Variants in ZFHX3 observed in about 807,000 individuals in gnomAD.
The protein encoded by ZFHX3 is zinc finger homeobox protein 3.
Under a neutral mutation model 279.1 loss-of-function variants are expected in ZFHX3, and 42 were observed. The observed-to-expected ratio is 0.15, with a 90% confidence interval of 0.12 to 0.19. ZFHX3 has a LOEUF of 0.19. Among genes scored for constraint, ZFHX3 ranks in the 10% least tolerant of loss-of-function variants. The pLI is 1.00. For missense variants in ZFHX3, 4,981 were observed against 4,754.0 expected (o/e 1.05, Z -1.40); for synonymous variants, 2,293 against 1,957.8 (o/e 1.17, Z -4.52).
intron 3 of ZFHX3, among the ~76,000 whole-genome samples, chr16:73,443,939 T>A (rs929963637): frequency 9.9e-5 from 15 of 152,040 alleles, no homozygotes; most frequent in African/African-American, 3.6e-4. Flanking sequence ...ATTTTCTTTA[T>A]AATAAAATAT....
intron 7 of ZFHX3, among the ~76,000 whole-genome samples, chr16:73,106,649 A>G (rs189192239): frequency 1.3e-5 from 2 of 152,310 alleles, no homozygotes; most frequent in East Asian, 3.9e-4. Context: ...AATTCTGTGC[A>G]AGTTGGAAAA....
chr16:73,803,819 G>A (rs977855324), intron 1 of ZFHX3, among the ~76,000 whole-genome samples: 24 of 152,148 alleles, frequency 1.6e-4, no homozygotes, highest in East Asian at 1.2e-3. Flanking sequence ...ATTTTTCTGC[G>A]TGTGTGTCTG....
intron 1 of ZFHX3, among the ~76,000 whole-genome samples, chr16:73,706,335 G>T (rs369782491): frequency 6.6e-6 from 1 of 151,300 alleles, no homozygotes; most frequent in Non-Finnish European, 1.5e-5. Context: ...CGTGGCAGGC[G>T]CCTGTAATCC....
At position 72,796,164 on chromosome 16, in the gene ZFHX3, T is replaced by A. The variant is rs755274458; in HGVS notation, c.6518A>T (p.Glu2173Val). 6.2e-7 allele frequency: 1 copy of A among 1,614,140 alleles called. No individual in the cohort carries two copies. Among genetic ancestry groups the A allele is most frequent in the South Asian group, 1.1e-5 (1 of 91,076 alleles). ...YFDINNSPSE[E>V]QIKEMADKSG... ...CTTGTCTGCCATCTCTTTTATTTGC[T>A]CTTCACTGGGGGAGTTGTTAATGTC... is the stretch of plus-strand genomic sequence containing the variant. The change falls in exon 9 of 10, where the codon GAG becomes GTG. Residue 2173 changes from glutamate to valine, a missense_variant. Coordinates refer to ENST00000268489, the MANE Select transcript of ZFHX3 (RefSeq NM_006885.4).
chr16:73,158,392 C>G (rs960399426), intron 5 of ZFHX3, among the ~76,000 whole-genome samples: 3 of 152,032 alleles, frequency 2.0e-5, no homozygotes, highest in Non-Finnish European at 4.4e-5. Flanking sequence ...ACATGAAAGT[C>G]CTTTTCTTTT....
At chr16:73,223,433 G>T (rs1232795544) in intron 5 of ZFHX3, among the ~76,000 whole-genome samples, 3 of 152,056 alleles carry the variant, frequency 2.0e-5, no homozygotes, top group Non-Finnish European at 4.4e-5. Flanking sequence ...CCTCACCAAA[G>T]AAGATATATA....
chr16:73,300,109 A>T (rs891025428), intron 4 of ZFHX3, among the ~76,000 whole-genome samples: 5 of 152,194 alleles, frequency 3.3e-5, no homozygotes, highest in African/African-American at 7.2e-5. Flanking sequence ...AAAGTAAACT[A>T]ATCAGCTGGG....
chr16:72,910,445 A>C (rs1003337671), intron 3 of ZFHX3, among the ~76,000 whole-genome samples: 1 of 152,252 alleles, frequency 6.6e-6, no homozygotes, highest in African/African-American at 2.4e-5. Flanking sequence ...TGATCAGGAA[A>C]TCTGGATTGA....
Position 73,600,542 on chromosome 16 carries a change from C to T in ZFHX3, c.-1547+79638G>A, listed in dbSNP as rs1317031131. Among the ~76,000 whole-genome samples, 3 of 151,884 alleles carry T rather than the reference C, an allele frequency of 2.0e-5. No homozygotes were observed. The East Asian group carries it at 5.8e-4, about 29-fold the overall frequency. On this transcript the variant is annotated intron_variant, in intron 2 of 17. Transcript: ENST00000641206. ...AAGCCATTCTCCTGCCTCAGCCTCCCAAGTAGCTGGGACTACAGGCGCCCG... is the reference window on the plus strand; with the variant it reads ...AAGCCATTCTCCTGCCTCAGCCTCCTAAGTAGCTGGGACTACAGGCGCCCG...
At chr16:72,962,997 A>T (rs1333361069) in intron 1 of ZFHX3, among the ~76,000 whole-genome samples, 1 of 152,140 alleles carries the variant, frequency 6.6e-6, no homozygotes, top group African/African-American at 2.4e-5. Context: ...CGCTCTGTTT[A>T]TCAGCCAGTC....
chr16:73,054,979 G>T (rs952050625), intron 1 of ZFHX3, among the ~76,000 whole-genome samples: 1 of 150,822 alleles, frequency 6.6e-6, no homozygotes, highest in African/African-American at 2.4e-5. Flanking sequence ...TTTAATAAAA[G>T]AACCTATACA....
intron 2 of ZFHX3, among the ~76,000 whole-genome samples, chr16:73,541,792 T>C (rs1317891569): frequency 0.014 from 1,113 of 78,812 alleles, 36 homozygotes; most frequent in African/African-American, 0.065. Flanking sequence ...TTCTCTTTTT[T>C]TTTTTTTTTT....
chr16:73,309,311 C>T (rs754351117), intron 4 of ZFHX3, among the ~76,000 whole-genome samples: 2 of 152,118 alleles, frequency 1.3e-5, no homozygotes, highest in Non-Finnish European at 2.9e-5. Flanking sequence ...CTCCCACTTA[C>T]AAGTGAGAAC....
chr16:73,134,414 G>C (rs1966751217), intron 6 of ZFHX3: 1 of 139,066 alleles, frequency 7.2e-6, no homozygotes, highest in Non-Finnish European at 1.5e-5. Flanking sequence ...CGTTATCACG[G>C]CTCAGTCCTG....
Position 72,796,764 on chromosome 16 carries a change from T to C in ZFHX3, c.5918A>G (p.Lys1973Arg), listed in dbSNP as rs781384867. 6.2e-7 allele frequency: 1 copy of C among 1,613,632 alleles called. No individual in the cohort carries two copies. The highest frequency in any genetic ancestry group is 1.1e-5 in the South Asian group (1 of 91,046). The change falls in exon 9 of 10, where the codon AAG becomes AGG. Residue 1973 changes from lysine to arginine, a missense_variant. Lys to Arg is a conservative substitution (Grantham distance 26). Coordinates refer to ENST00000268489, the MANE Select transcript of ZFHX3 (RefSeq NM_006885.4). ...TTCCAGGTTCTCTCCCTGGTCAGTC[T>C]TCCCATTCTTTTTCTGCACCTTCTG... The part of the protein sequence containing the change: ...NKQKVQKKNG[K>R]TDQGENLEKL...
intron 1 of ZFHX3, among the ~76,000 whole-genome samples, chr16:73,023,570 AG>A (rs1228617616): frequency 6.6e-6 from 1 of 152,258 alleles, no homozygotes; most frequent in Non-Finnish European, 1.5e-5. Context: ...GATGCGCTAC[AG>A]GCAGCACTGT....
At chr16:73,695,442 T>C (rs2053189269) in intron 1 of ZFHX3, among the ~76,000 whole-genome samples, 1 of 152,066 alleles carries the variant, frequency 6.6e-6, no homozygotes, top group Non-Finnish European at 1.5e-5. Flanking sequence ...CATTTGTCAT[T>C]TCCCACTTGA....
chr16:73,651,175 G>A (rs1248802861), intron 2 of ZFHX3, among the ~76,000 whole-genome samples: 2 of 151,428 alleles, frequency 1.3e-5, no homozygotes, highest in African/African-American at 4.9e-5. Flanking sequence ...ATTAGAAACA[G>A]CCAAAGAGAA....
chr16:73,234,181 T>C (rs1240760666), intron 5 of ZFHX3, among the ~76,000 whole-genome samples: 2 of 152,178 alleles, frequency 1.3e-5, no homozygotes, highest in Non-Finnish European at 2.9e-5. Flanking sequence ...ATGTAATTCA[T>C]GCAGAGAATG....
Sources: allele counts gnomAD v4.1 joint callset (sites outside exome capture counted in the v4.1 genomes callset), GRCh38; gene constraint gnomAD v4.1.1; transcripts MANE v1.5; gene names NCBI Gene and HGNC (gene_info 2026-07-23, HGNC 2026-07-21).